MLLT10: variants seen among roughly 807,000 people sequenced by gnomAD.
MLLT10 encodes MLLT10 histone lysine methyltransferase DOT1L cofactor, also known as protein AF-10.
MLLT10 carries 30 observed loss-of-function variants against 129.1 expected under a neutral mutation model. The observed-to-expected ratio is 0.23, with a 90% confidence interval of 0.17 to 0.32. The LOEUF is 0.32. Among genes scored for constraint, MLLT10 ranks in the 10% least tolerant of loss-of-function variants. The probability of loss-of-function intolerance (pLI) is 1.00; values close to 1 mark genes in which losing one functional copy is unlikely to be tolerated. For synonymous variants in MLLT10, 490 were observed against 446.4 expected (o/e 1.10, Z -1.23); for missense variants, 1,119 against 1,268.3 (o/e 0.88, Z 1.79).
At chr10:21,696,824 C>A (rs547052983) in intron 13 of MLLT10, among the ~76,000 whole-genome samples, 1 of 152,112 alleles carries the variant, frequency 6.6e-6, no homozygotes, top group Non-Finnish European at 1.5e-5. Context: ...TAAGTCATCT[C>A]CCTGACTCCA....
chr10:21,688,466 A>G (rs1231161116), intron 13 of MLLT10: 1 of 1,599,990 alleles, frequency 6.3e-7, no homozygotes, highest in Non-Finnish European at 8.5e-7. Context: ...TAAAAATCTG[A>G]AATTAAAGTG....
intron 22 of MLLT10, 59 bp downstream of exon 22, chr10:21,740,295 A>T: frequency 6.5e-7 from 1 of 1,545,970 alleles, no homozygotes; most frequent in Admixed American, 1.8e-5. Flanking sequence ...TTAATCGGAG[A>T]TGATCATTTT....
chr10:21,618,108 A>G (rs1209706843), intron 8 of MLLT10, among the ~76,000 whole-genome samples: 1 of 152,228 alleles, frequency 6.6e-6, no homozygotes, highest in Non-Finnish European at 1.5e-5. Flanking sequence ...CAAAGTTGGT[A>G]TATGCTAGTT....
chr10:21,658,360 A>T (rs1415558178), intron 9 of MLLT10, among the ~76,000 whole-genome samples: 1 of 152,208 alleles, frequency 6.6e-6, no homozygotes, highest in Admixed American at 6.5e-5. Flanking sequence ...ATGGAAACAT[A>T]TAGTATGTAT....
intron 3 of MLLT10, among the ~76,000 whole-genome samples, chr10:21,576,860 A>G (rs901119040): frequency 2.0e-5 from 3 of 150,268 alleles, no homozygotes; most frequent in Non-Finnish European, 4.4e-5. Context: ...TGAACTCGCG[A>G]CCTCAGGTGA....
At chr10:21,582,041 G>A (rs2041511855) in intron 3 of MLLT10, among the ~76,000 whole-genome samples, 1 of 151,964 alleles carries the variant, frequency 6.6e-6, no homozygotes, top group Non-Finnish European at 1.5e-5. Flanking sequence ...TGTATATGTG[G>A]TTGTTGTTAT....
chr10:21,562,671 A>G (rs776300931), intron 3 of MLLT10, among the ~76,000 whole-genome samples: 85 of 151,904 alleles, frequency 5.6e-4, no homozygotes, highest in Non-Finnish European at 7.9e-4. Flanking sequence ...AATCTTAGCA[A>G]CATTAAGGTA....
chr10:21,548,634 G>C (rs1024285706), intron 3 of MLLT10, among the ~76,000 whole-genome samples: 1 of 152,216 alleles, frequency 6.6e-6, no homozygotes, highest in Admixed American at 6.5e-5. Context: ...CTCCCAAAAT[G>C]CTGGGATCAC....
At chr10:21,638,128 C>T (rs1413422550) in intron 8 of MLLT10, among the ~76,000 whole-genome samples, 1 of 151,588 alleles carries the variant, frequency 6.6e-6, no homozygotes, top group Non-Finnish European at 1.5e-5. Context: ...ATACCTTTTG[C>T]ACTTATGGAT....
At chr10:21,684,008 C>CT (rs1168574591) in intron 13 of MLLT10, among the ~76,000 whole-genome samples, 2 of 150,334 alleles carry the variant, frequency 1.3e-5, no homozygotes, top group East Asian at 3.9e-4. Context: ...TTTTTTCTAA[C>CT]TTTTTATTTT....
chr10:21,731,081 A>G, intron 17 of MLLT10, 27 bp downstream of exon 17: 1 of 1,582,470 alleles, frequency 6.3e-7, no homozygotes, highest in Non-Finnish European at 8.6e-7. Context: ...TTATATGTGA[A>G]TCAAGACAGA....
chr10:21,649,542 C>T (rs999960510), intron 8 of MLLT10, among the ~76,000 whole-genome samples: 3 of 152,180 alleles, frequency 2.0e-5, no homozygotes, highest in African/African-American at 4.8e-5. Flanking sequence ...TGGTATCTGT[C>T]GGGTTTACTC....
chr10:21,700,145 C>T (rs2054771666), intron 13 of MLLT10, among the ~76,000 whole-genome samples: 2 of 148,310 alleles, frequency 1.3e-5, no homozygotes, highest in Admixed American at 6.8e-5. Flanking sequence ...GTAAACAGGA[C>T]TGCTGCCTTG....
intron 18 of MLLT10, 115 bp downstream of exon 18, chr10:21,733,202 T>C (rs1159674671): frequency 1.8e-6 from 2 of 1,092,578 alleles, no homozygotes; most frequent in South Asian, 3.8e-5. Context: ...AAAGGAACTA[T>C]AGGTTGTTTT....
In MLLT10 at chr10:21,680,098, T is replaced by G. The variant is rs116140523; in HGVS notation, c.1622-1234T>G. ...ATATTCTGAGCAGATTTTGCTTTTA[T>G]TAGTGTTTTATTCCTTGTTCTCTGC... On this transcript the variant is annotated intron_variant, in intron 11 of 22. Coordinates refer to ENST00000307729, the MANE Select transcript of MLLT10 (RefSeq NM_001195626.3). 9.0e-3 allele frequency among the ~76,000 whole-genome samples: 1,368 copies of G among 152,298 alleles called. 14 individuals are homozygous for G. Among genetic ancestry groups the G allele is most frequent in the African/African-American group, 0.031 (1,291 of 41,564 alleles).
rs55769872 is a variant in MLLT10, at chr10:21,672,168, A to AGTGTGTGTGTGTGT, written c.1052-1153_1052-1140dup. Reference sequence around the variant, plus strand: ...ACACTAACCTGTTTTCCAGGTTTTCAGTGTGTGTGTGTGTGTGTGTGTGTG... The same window carrying AGTGTGTGTGTGTGT: ...ACACTAACCTGTTTTCCAGGTTTTCAGTGTGTGTGTGTGTGTGTGTGTGTGTGTGTGTGTGTGTG... On this transcript the variant is annotated intron_variant, in intron 10 of 22. Transcript: ENST00000307729. Among the ~76,000 whole-genome samples the AGTGTGTGTGTGTGT allele has an allele frequency of 4.1e-3, 546 of 134,370 alleles. 6 individuals carry two copies. The highest frequency in any genetic ancestry group is 0.012 in the African/African-American group (419 of 34,600). The allele number at this position is 134,370 out of a possible 152,430, so 88.2% of individuals were successfully genotyped here. A position where few individuals can be genotyped will look rare whatever the true frequency, so the allele number is the denominator to read the frequency against.
chr10:21,677,346 A>C (rs1010295025), intron 11 of MLLT10, among the ~76,000 whole-genome samples: 1 of 152,184 alleles, frequency 6.6e-6, no homozygotes, highest in Non-Finnish European at 1.5e-5. Context: ...GCTTCCCCCC[A>C]TATAATAAAT....
intron 13 of MLLT10, among the ~76,000 whole-genome samples, chr10:21,706,335 A>G (rs540550365): frequency 3.9e-5 from 6 of 152,338 alleles, no homozygotes; most frequent in African/African-American, 1.4e-4. Flanking sequence ...CCTGAGGACA[A>G]TATTAGTATA....
At chr10:21,705,655 C>T (rs567477384) in intron 13 of MLLT10, among the ~76,000 whole-genome samples, 60 of 152,254 alleles carry the variant, frequency 3.9e-4, no homozygotes, top group African/African-American at 1.4e-3. Context: ...GTGCAGTAGC[C>T]CACACTTTGC....
Sources: allele counts gnomAD v4.1 joint callset (sites outside exome capture counted in the v4.1 genomes callset), GRCh38; gene constraint gnomAD v4.1.1; transcripts MANE v1.5; gene names NCBI Gene and HGNC (gene_info 2026-07-23, HGNC 2026-07-21).